ADGRB3: variants seen among roughly 807,000 people sequenced by gnomAD.
ADGRB3 encodes the protein adhesion G protein-coupled receptor B3.
ADGRB3 carries 37 observed loss-of-function variants against 193.4 expected under a neutral mutation model. That is an observed-to-expected ratio of 0.19 (90% CI 0.15 to 0.25). ADGRB3 has a LOEUF of 0.25. Among genes scored for constraint, ADGRB3 ranks in the 10% least tolerant of loss-of-function variants. The probability of loss-of-function intolerance (pLI) is 1.00; values close to 1 mark genes in which losing one functional copy is unlikely to be tolerated. For synonymous variants in ADGRB3, 690 were observed against 644.2 expected (o/e 1.07, Z -1.08); for missense variants, 1,637 against 1,852.9 (o/e 0.88, Z 2.14).
chr6:69,125,503 G>A (rs1051768429), intron 17 of ADGRB3, among the ~76,000 whole-genome samples: 4 of 152,064 alleles, frequency 2.6e-5, no homozygotes, highest in Non-Finnish European at 4.4e-5. Flanking sequence ...TGCCCCTTCT[G>A]CCATGTGAAG....
At chr6:69,277,996 T>C (rs1767338754) in intron 20 of ADGRB3, among the ~76,000 whole-genome samples, 3 of 152,252 alleles carry the variant, frequency 2.0e-5, no homozygotes, top group African/African-American at 4.8e-5. Flanking sequence ...CCGTGAATAG[T>C]GTTCTGAGCT....
chr6:69,062,558 C>A (rs926293502), intron 15 of ADGRB3, among the ~76,000 whole-genome samples: 2 of 151,792 alleles, frequency 1.3e-5, no homozygotes, highest in Non-Finnish European at 1.5e-5. Context: ...AGTATTTGAT[C>A]TCCGAGAGAA....
chr6:69,175,424 A>C (rs540555501), intron 17 of ADGRB3, among the ~76,000 whole-genome samples: 2 of 152,050 alleles, frequency 1.3e-5, no homozygotes, highest in South Asian at 2.1e-4. Context: ...ATTTTTGTCA[A>C]CTTTGTTGTA....
At chr6:69,054,724 A>AT (rs1388567174) in intron 15 of ADGRB3, among the ~76,000 whole-genome samples, 1 of 152,186 alleles carries the variant, frequency 6.6e-6, no homozygotes, top group Non-Finnish European at 1.5e-5. Flanking sequence ...ATCACTTGGC[A>AT]TTTTTAAAAT....
chr6:69,177,274 C>T (rs1359649143), intron 17 of ADGRB3, among the ~76,000 whole-genome samples: 1 of 152,034 alleles, frequency 6.6e-6, no homozygotes, highest in Admixed American at 6.6e-5. Flanking sequence ...GTAAACTTTG[C>T]TCTTTGCTCT....
intron 17 of ADGRB3, among the ~76,000 whole-genome samples, chr6:69,199,437 G>A (rs2150357370): frequency 6.6e-6 from 1 of 152,158 alleles, no homozygotes; most frequent in Non-Finnish European, 1.5e-5. Flanking sequence ...AAAATTAAAT[G>A]AGATAACTCA....
At chr6:69,376,071 A>G (rs1051821331) in intron 30 of ADGRB3, among the ~76,000 whole-genome samples, 27 of 147,186 alleles carry the variant, frequency 1.8e-4, no homozygotes, top group African/African-American at 6.2e-4. Context: ...TTTCCATGAA[A>G]ATTATGTAGC....
intron 3 of ADGRB3, among the ~76,000 whole-genome samples, chr6:68,787,210 G>A (rs973446133): frequency 2.0e-5 from 3 of 152,114 alleles, no homozygotes; most frequent in African/African-American, 7.2e-5. Flanking sequence ...AGTGGTGAGA[G>A]AGGGCATCCC....
Position 69,233,358 on chromosome 6 carries a change from A to G in ADGRB3, c.2549A>G (p.Lys850Arg). Residue 850 changes from lysine (K) to arginine (R), a missense_variant, in exon 18 of 32, where the codon AAA becomes AGA. Around this residue, in one of 7 missense-constraint regions of ADGRB3, gnomAD observed 641 missense variants for 673.9 expected, o/e 0.95. Transcript: ENST00000370598. ...GTGCTTACCGATGCATCCCATACGA[A>G]ATGCTTATGTGATCGTCTCTCTACC... is the stretch of plus-strand genomic sequence containing the variant. ...KTVLTDASHT[K>R]CLCDRLSTFA... 6.2e-7 allele frequency: 1 copy of G among 1,614,050 alleles called. No individual in the cohort carries two copies. Among genetic ancestry groups the G allele is most frequent in the South Asian group, 1.1e-5 (1 of 91,076 alleles).
chr6:68,956,914 A>G, intron 8 of ADGRB3, 105 bp downstream of exon 8: 1 of 1,287,556 alleles, frequency 7.8e-7, no homozygotes, highest in South Asian at 1.5e-5. Flanking sequence ...TCAACTAAAG[A>G]ACTACTAATG....
intron 13 of ADGRB3, among the ~76,000 whole-genome samples, chr6:69,032,082 A>C (rs1243050164): frequency 1.3e-5 from 2 of 152,168 alleles, no homozygotes; most frequent in African/African-American, 4.8e-5. Flanking sequence ...TTAACTAGGA[A>C]AATTTTCTTA....
At chr6:69,321,267 C>T (rs953195263) in intron 20 of ADGRB3, among the ~76,000 whole-genome samples, 1 of 151,730 alleles carries the variant, frequency 6.6e-6, no homozygotes, top group Non-Finnish European at 1.5e-5. Flanking sequence ...CAACTTAAAT[C>T]CATTTTCAAG....
At chr6:68,895,942 G>C (rs1023000459) in intron 3 of ADGRB3, among the ~76,000 whole-genome samples, 1 of 152,060 alleles carries the variant, frequency 6.6e-6, no homozygotes, top group Admixed American at 6.6e-5. Context: ...ATATGGAGTA[G>C]AGAGTGAGAG....
chr6:69,299,557 T>C (rs1767906817), intron 20 of ADGRB3, among the ~76,000 whole-genome samples: 1 of 151,984 alleles, frequency 6.6e-6, no homozygotes, highest in South Asian at 2.1e-4. Context: ...TTGATTTTTG[T>C]TTATGGCAAG....
intron 26 of ADGRB3, among the ~76,000 whole-genome samples, chr6:69,351,959 T>C (rs1769234882): frequency 1.3e-5 from 2 of 152,212 alleles, no homozygotes; most frequent in South Asian, 4.1e-4. Context: ...GAAATCTTCA[T>C]GAGACAAGCT....
intron 17 of ADGRB3, among the ~76,000 whole-genome samples, chr6:69,143,168 A>G (rs1452906176): frequency 6.6e-6 from 1 of 152,064 alleles, no homozygotes; most frequent in East Asian, 1.9e-4. Flanking sequence ...CCAGTTTGCC[A>G]TTTGTACGTC....
intron 3 of ADGRB3, among the ~76,000 whole-genome samples, chr6:68,892,082 T>C (rs1306268047): frequency 6.6e-6 from 1 of 152,218 alleles, no homozygotes; most frequent in African/African-American, 2.4e-5. Context: ...TAAATTTAAA[T>C]ACCCTCCTGC....
intron 20 of ADGRB3, among the ~76,000 whole-genome samples, chr6:69,318,256 A>T (rs1768361741): frequency 4.0e-5 from 6 of 151,606 alleles, no homozygotes; most frequent in Admixed American, 4.0e-4. Flanking sequence ...TCACTTCAAT[A>T]TATAATTTCC....
intron 20 of ADGRB3, among the ~76,000 whole-genome samples, chr6:69,284,663 T>TA (rs139019795): frequency 0.1 from 15,809 of 151,854 alleles, 932 homozygotes; most frequent in Admixed American, 0.19. Context: ...GTATTTAACC[T>TA]AAAAAAAACC....
Sources: gnomAD v4.1 joint callset for allele counts (sites outside exome capture counted in the v4.1 genomes callset) on GRCh38, gnomAD v4.1.1 for gene constraint, gnomAD v4.1.1 regional missense constraint, MANE v1.5 for transcripts, NCBI Gene and HGNC (gene_info 2026-07-23, HGNC 2026-07-21) for gene names.